NRXN1: variants seen among roughly 807,000 people sequenced by gnomAD.
NRXN1 encodes the protein neurexin 1.
Under a neutral mutation model 150.9 loss-of-function variants are expected in NRXN1, and 39 were observed. That is an observed-to-expected ratio of 0.26 (90% CI 0.20 to 0.34). NRXN1 has a LOEUF of 0.34. Ranked by LOEUF, NRXN1 falls within the 10% of genes least tolerant of loss-of-function variation. NRXN1 has a pLI of 1.00. For missense variants in NRXN1, 1,815 were observed against 1,949.9 expected (o/e 0.93, Z 1.30); for synonymous variants, 924 against 757.0 (o/e 1.22, Z -3.62).
chr2:50,818,114 C>T (rs1180603405), intron 5 of NRXN1, among the ~76,000 whole-genome samples: 1 of 46,720 alleles, frequency 2.1e-5, no homozygotes, highest in East Asian at 6.8e-4. Context: ...GACTCCATAG[C>T]AAAAAAAAAA....
chr2:50,128,304 C>T (rs894121652), intron 18 of NRXN1, among the ~76,000 whole-genome samples: 3 of 152,146 alleles, frequency 2.0e-5, no homozygotes, highest in Non-Finnish European at 2.9e-5. Context: ...TGACATCTTT[C>T]GTCCCTTCGA....
At chr2:50,431,194 C>T (rs2084935449) in intron 17 of NRXN1, among the ~76,000 whole-genome samples, 1 of 152,140 alleles carries the variant, frequency 6.6e-6, no homozygotes, top group Admixed American at 6.5e-5. Context: ...ACTGGCTTCT[C>T]CACTTAACAT....
At chr2:50,745,299 G>GCCC (rs34515222) in intron 5 of NRXN1, among the ~76,000 whole-genome samples, 8 of 131,414 alleles carry the variant, frequency 6.1e-5, no homozygotes, top group African/African-American at 2.3e-4. Flanking sequence ...ATTTATATCT[G>GCCC]CCCCCCCCCA....
intron 19 of NRXN1, among the ~76,000 whole-genome samples, chr2:50,086,821 T>TGAGAGAGAGAGA (rs3046671): frequency 2.1e-5 from 3 of 142,840 alleles, no homozygotes; most frequent in African/African-American, 7.8e-5. Context: ...CAGAGAAGAA[T>TGAGAGAGAGAGA]GAGAGAGAGA....
chr2:49,943,683 T>C (rs1164878998), intron 22 of NRXN1, 21 bp downstream of exon 22: 3 of 1,555,220 alleles, frequency 1.9e-6, no homozygotes, highest in Non-Finnish European at 2.7e-6. Context: ...GCCAAGGAAG[T>C]AAGAAAAAAA....
intron 22 of NRXN1, among the ~76,000 whole-genome samples, chr2:49,935,739 T>C (rs1213403855): frequency 2.6e-5 from 4 of 152,196 alleles, no homozygotes; most frequent in South Asian, 4.1e-4. Flanking sequence ...ATGTAATTAA[T>C]GAGGTACCAA....
At chr2:50,499,951 A>C (rs1338402266) in intron 13 of NRXN1, among the ~76,000 whole-genome samples, 2 of 151,028 alleles carry the variant, frequency 1.3e-5, no homozygotes, top group Non-Finnish European at 3.0e-5. Flanking sequence ...CCATCTCAAA[A>C]AAAAAAAAAA....
At chr2:50,169,351 G>T (rs2059880516) in intron 18 of NRXN1, among the ~76,000 whole-genome samples, 1 of 152,134 alleles carries the variant, frequency 6.6e-6, no homozygotes, top group African/African-American at 2.4e-5. Context: ...AGTGGAAAAA[G>T]ATAAATTCAG....
chr2:50,585,809 T>C (rs1282962480), intron 8 of NRXN1, among the ~76,000 whole-genome samples: 1 of 152,156 alleles, frequency 6.6e-6, no homozygotes, highest in South Asian at 2.1e-4. Flanking sequence ...TTCATTCATA[T>C]TGCCAACTTC....
chr2:50,100,561 A>T (rs1700850330), intron 18 of NRXN1, among the ~76,000 whole-genome samples: 1 of 152,076 alleles, frequency 6.6e-6, no homozygotes, highest in African/African-American at 2.4e-5. Context: ...ATTATTCTTT[A>T]CACAGTATTT....
intron 18 of NRXN1, among the ~76,000 whole-genome samples, chr2:50,178,316 T>C (rs2060476876): frequency 6.6e-6 from 1 of 151,936 alleles, no homozygotes; most frequent in South Asian, 2.1e-4. Flanking sequence ...CTATCCAATG[T>C]TCTGCTTGGG....
intron 2 of NRXN1, among the ~76,000 whole-genome samples, chr2:50,967,803 T>C (rs1308115897): frequency 6.6e-6 from 1 of 151,972 alleles, no homozygotes; most frequent in Admixed American, 6.6e-5. Context: ...GCACCATTTC[T>C]AAGGTCTTTT....
chr2:50,028,215 C>A (rs182336121), intron 21 of NRXN1, among the ~76,000 whole-genome samples: 2 of 152,094 alleles, frequency 1.3e-5, no homozygotes, highest in Non-Finnish European at 2.9e-5. Flanking sequence ...AAATGTTGCT[C>A]TTTAAAATTC....
intron 17 of NRXN1, among the ~76,000 whole-genome samples, chr2:50,359,731 C>T (rs2079059490): frequency 6.6e-6 from 1 of 152,032 alleles, no homozygotes; most frequent in South Asian, 2.1e-4. Flanking sequence ...GACAGGCCCA[C>T]ATTCAGATTC....
chr2:51,008,609 C>T (rs560180570), intron 2 of NRXN1, among the ~76,000 whole-genome samples: 18 of 151,836 alleles, frequency 1.2e-4, no homozygotes, highest in East Asian at 7.8e-4. Context: ...ATCTTGAAAA[C>T]GTATTTATTA....
rs146828763 is a variant in NRXN1, at chr2:50,505,655, G to A, written c.2497+840C>T. Among the ~76,000 whole-genome samples the A allele has an allele frequency of 3.1e-3, 470 of 152,190 alleles. 1 individual carries two copies. Among genetic ancestry groups the A allele is most frequent in the Admixed American group, 5.0e-3 (76 of 15,270 alleles). ...ACCTTCCTTTCCTAAGTTAAGGAAC[G>A]ATTGTTTCAAAAGTTTAAAATCCTG... On this transcript the variant is annotated intron_variant, in intron 13 of 22. Coordinates refer to ENST00000401669, the MANE Select transcript of NRXN1 (RefSeq NM_001330078.2).
At chr2:50,049,036 A>G (rs1280183853) in intron 21 of NRXN1, among the ~76,000 whole-genome samples, 1 of 152,142 alleles carries the variant, frequency 6.6e-6, no homozygotes, top group Non-Finnish European at 1.5e-5. Flanking sequence ...CCACAGACAA[A>G]TTTTGCTCTG....
At chr2:50,608,584 CAT>C (rs1182557406) in intron 8 of NRXN1, among the ~76,000 whole-genome samples, 1 of 152,016 alleles carries the variant, frequency 6.6e-6, no homozygotes, top group East Asian at 1.9e-4. Context: ...TTTATATGCA[CAT>C]ATTGTTAAAC....
chr2:50,482,161 T>A (rs1414215204), intron 15 of NRXN1, among the ~76,000 whole-genome samples: 1 of 152,116 alleles, frequency 6.6e-6, no homozygotes, highest in Non-Finnish European at 1.5e-5. Flanking sequence ...GGAAGACAGA[T>A]TTTGTTTGTA....
Sources: gnomAD v4.1 joint callset for allele counts (sites outside exome capture counted in the v4.1 genomes callset) on GRCh38, gnomAD v4.1.1 for gene constraint, MANE v1.5 for transcripts, NCBI Gene and HGNC (gene_info 2026-07-23, HGNC 2026-07-21) for gene names.